The following RSRC1 variants were observed in gnomAD, a reference collection of about 807,000 sequenced individuals.
RSRC1 encodes serine/Arginine-related protein 53.
Under a neutral mutation model 49.1 loss-of-function variants are expected in RSRC1, and 39 were observed. That is an observed-to-expected ratio of 0.79 (90% CI 0.61 to 1.04). The LOEUF is 1.04. Among genes scored for constraint, RSRC1 ranks in the 50% least tolerant of loss-of-function variants. RSRC1 has a pLI of 0.00. For missense variants in RSRC1, 388 were observed against 402.4 expected, an observed-to-expected ratio of 0.96 and a Z score of 0.31; for synonymous variants, 143 against 130.8, an observed-to-expected ratio of 1.09 and a Z score of -0.63.
chr3:158,444,827 T>A (rs1352563667), intron 6 of RSRC1, among the ~76,000 whole-genome samples: 1 of 151,838 alleles, frequency 6.6e-6, no homozygotes, highest in Non-Finnish European at 1.5e-5. Flanking sequence ...AACAACCCCA[T>A]CAACAAATGG....
At chr3:158,258,676 G>A (rs888861840) in intron 4 of RSRC1, among the ~76,000 whole-genome samples, 24 of 152,056 alleles carry the variant, frequency 1.6e-4, no homozygotes, top group African/African-American at 5.3e-4. Flanking sequence ...GGCCAATAAC[G>A]CTTAGATTTG....
At chr3:158,467,072 A>G (rs993459482) in intron 7 of RSRC1, among the ~76,000 whole-genome samples, 4 of 152,194 alleles carry the variant, frequency 2.6e-5, no homozygotes, top group Admixed American at 6.5e-5. Context: ...TAAGAAAAAA[A>G]TACTTCATAA....
intron 7 of RSRC1, among the ~76,000 whole-genome samples, chr3:158,507,997 C>T (rs1739945848): frequency 6.6e-6 from 1 of 152,008 alleles, no homozygotes; most frequent in Admixed American, 6.6e-5. Flanking sequence ...CCCTAGAGCC[C>T]AGGAGATCAA....
chr3:158,366,646 C>A (rs940119164), intron 6 of RSRC1, among the ~76,000 whole-genome samples: 9 of 151,774 alleles, frequency 5.9e-5, no homozygotes, highest in African/African-American at 1.9e-4. Flanking sequence ...TTTTTTGTTT[C>A]CATATGAACT....
At chr3:158,465,069 G>C (rs1054421178) in intron 7 of RSRC1, among the ~76,000 whole-genome samples, 6 of 152,086 alleles carry the variant, frequency 3.9e-5, no homozygotes, top group Non-Finnish European at 8.8e-5. Context: ...TCCTAACTTA[G>C]ATCTAGATCC....
chr3:158,368,980 T>C (rs1391367324), intron 6 of RSRC1, among the ~76,000 whole-genome samples: 2 of 152,058 alleles, frequency 1.3e-5, no homozygotes, highest in East Asian at 3.9e-4. Context: ...AATATAGCCT[T>C]TATGCATTTT....
intron 7 of RSRC1, among the ~76,000 whole-genome samples, chr3:158,487,762 C>T (rs1738872958): frequency 4.0e-5 from 6 of 151,556 alleles, no homozygotes; most frequent in Admixed American, 3.9e-4. Context: ...CCAGCCTGGC[C>T]AACATGGTGA....
intron 5 of RSRC1, among the ~76,000 whole-genome samples, chr3:158,305,255 T>TA (rs368455287): frequency 2.0e-5 from 3 of 151,694 alleles, no homozygotes; most frequent in Non-Finnish European, 4.4e-5. Context: ...GGCTAACGTT[T>TA]AAAAAAAAGG....
intron 6 of RSRC1, among the ~76,000 whole-genome samples, chr3:158,414,879 C>CA (rs921944694): frequency 6.6e-5 from 10 of 151,976 alleles, no homozygotes; most frequent in African/African-American, 2.2e-4. Context: ...ATTGTGTTCA[C>CA]AAAAAAAGTT....
chr3:158,464,524 G>A (rs1293258915), intron 7 of RSRC1, among the ~76,000 whole-genome samples: 1 of 152,132 alleles, frequency 6.6e-6, no homozygotes, highest in Admixed American at 6.6e-5. Flanking sequence ...GTGAAAATAT[G>A]AACATAATAA....
At chr3:158,478,204 C>T (rs1182336667) in intron 7 of RSRC1, among the ~76,000 whole-genome samples, 1 of 151,752 alleles carries the variant, frequency 6.6e-6, no homozygotes, top group Non-Finnish European at 1.5e-5. Flanking sequence ...CTATCACAAT[C>T]ATTTTACACT....
intron 7 of RSRC1, among the ~76,000 whole-genome samples, chr3:158,464,477 GC>G (rs1737776222): frequency 6.6e-6 from 1 of 151,936 alleles, no homozygotes; most frequent in Non-Finnish European, 1.5e-5. Context: ...AAAGTGTTAG[GC>G]AGCCCTTTCT....
chr3:158,144,353 C>T (rs1716940893), intron 3 of RSRC1, among the ~76,000 whole-genome samples: 2 of 151,484 alleles, frequency 1.3e-5, no homozygotes, highest in Non-Finnish European at 2.9e-5. Context: ...TCTCATTGTT[C>T]AATTCCCACC....
At chr3:158,370,124 G>A (rs1283339338) in intron 6 of RSRC1, among the ~76,000 whole-genome samples, 2 of 151,920 alleles carry the variant, frequency 1.3e-5, no homozygotes, top group East Asian at 3.8e-4. Flanking sequence ...AAAATAACTA[G>A]ATGATGTACA....
chr3:158,150,259 C>T (rs1717438676), intron 3 of RSRC1, among the ~76,000 whole-genome samples: 1 of 152,108 alleles, frequency 6.6e-6, no homozygotes, highest in African/African-American at 2.4e-5. Context: ...TTTAGACATC[C>T]TTTTAATTAA....
At chr3:158,215,118 C>T (rs528232744) in intron 4 of RSRC1, among the ~76,000 whole-genome samples, 1 of 151,640 alleles carries the variant, frequency 6.6e-6, no homozygotes, top group South Asian at 2.1e-4. Flanking sequence ...TGATTTGGTG[C>T]TTTCATCTTT....
At chr3:158,494,397 A>C (rs932368154) in intron 7 of RSRC1, among the ~76,000 whole-genome samples, 2 of 152,244 alleles carry the variant, frequency 1.3e-5, no homozygotes, top group African/African-American at 2.4e-5. Context: ...AAGTTGCTCT[A>C]GGCAAGTCAG....
chr3:158,131,098 T>C (rs1408542146), intron 3 of RSRC1, among the ~76,000 whole-genome samples: 1 of 151,666 alleles, frequency 6.6e-6, no homozygotes, highest in African/African-American at 2.4e-5. Flanking sequence ...TCTTTGGCGT[T>C]AATTTTTTAA....
chr3:158,272,307 A>T (rs1386550319), intron 4 of RSRC1, among the ~76,000 whole-genome samples: 1 of 152,140 alleles, frequency 6.6e-6, no homozygotes, highest in African/African-American at 2.4e-5. Flanking sequence ...GAAAGTGATT[A>T]TCTTGTTAAC....
Sources: gnomAD v4.1 joint callset for allele counts (sites outside exome capture counted in the v4.1 genomes callset) on GRCh38, gnomAD v4.1.1 for gene constraint, MANE v1.5 for transcripts, NCBI Gene and HGNC (gene_info 2026-07-23, HGNC 2026-07-21) for gene names.